SLIT3: variants seen among roughly 807,000 people sequenced by gnomAD.
SLIT3 encodes the protein slit homolog 3 protein.
In SLIT3, 68 loss-of-function variants were observed where a neutral mutation model predicts 184.0. That is an observed-to-expected ratio of 0.37 (90% CI 0.30 to 0.45). The LOEUF (loss-of-function observed/expected upper bound fraction) is 0.45, where lower values mean the gene tolerates loss of function less well. Ranked by LOEUF, SLIT3 falls within the 20% of genes least tolerant of loss-of-function variation. SLIT3 has a pLI of 1.00. For synonymous variants in SLIT3, 831 were observed against 828.6 expected (o/e 1.00, Z -0.05); for missense variants, 1,707 against 2,026.0 (o/e 0.84, Z 3.02).
At chr5:168,992,355 C>T (rs1475337433) in intron 4 of SLIT3, among the ~76,000 whole-genome samples, 1 of 152,240 alleles carries the variant, frequency 6.6e-6, no homozygotes, top group Non-Finnish European at 1.5e-5. Flanking sequence ...CCCTCAACTA[C>T]ATCTGAAGGA....
rs1477377593 is a variant in SLIT3, at chr5:169,198,951, T to TACACAC, written c.342-5402_342-5401insGTGTGT. ...CAACTCAAAAAACAAACAAACAAAC[T>TACACAC]ATACACACACACACACACACACACA... On this transcript the variant is annotated intron_variant, in intron 3 of 35. Coordinates refer to ENST00000519560, the MANE Select transcript of SLIT3 (RefSeq NM_003062.4). 3.5e-3 allele frequency among the ~76,000 whole-genome samples: 245 copies of TACACAC among 69,738 alleles called. 2 individuals carry two copies. Among genetic ancestry groups the TACACAC allele is most frequent in the African/African-American group, 0.014 (236 of 17,278 alleles). 45.8% of individuals were successfully genotyped at this position (69,738 alleles called of 152,430 possible). A position where few individuals can be genotyped will look rare whatever the true frequency, so the allele number is the denominator to read the frequency against.
At chr5:169,088,414 T>G (rs1759407711) in intron 4 of SLIT3, among the ~76,000 whole-genome samples, 1 of 149,740 alleles carries the variant, frequency 6.7e-6, no homozygotes, top group Non-Finnish European at 1.5e-5. Context: ...TTTTTTTTTT[T>G]GCCACAACAA....
At chr5:169,292,712 A>G (rs1394239088) in intron 1 of SLIT3, among the ~76,000 whole-genome samples, 32 of 152,248 alleles carry the variant, frequency 2.1e-4, no homozygotes. Context: ...GTTAATTGCT[A>G]GATGAGGAAA....
rs969034480 is a variant in SLIT3 at position 168,663,481 on chromosome 5, C to G, written c.*2973G>C. ...AGTCCATTTTGGGTGACAGCTCTGT[C>G]TCCTCTTTCAGGCCTTTATGCTGCC... On this transcript the variant is annotated 3_prime_UTR_variant, in exon 36 of 36. Coordinates refer to ENST00000519560, the MANE Select transcript of SLIT3 (RefSeq NM_003062.4). 5 of 152,188 alleles carry G rather than the reference C, an allele frequency of 3.3e-5. No homozygotes were observed. The highest frequency in any genetic ancestry group is 1.2e-4 in the African/African-American group (5 of 41,414). The allele number at this position is 152,188 out of a possible 1,614,324, so 9.4% of individuals were successfully genotyped here. A position where few individuals can be genotyped will look rare whatever the true frequency, so the allele number is the denominator to read the frequency against.
chr5:168,785,774 G>T, intron 12 of SLIT3, 133 bp downstream of exon 12: 1 of 669,640 alleles, frequency 1.5e-6, no homozygotes. Context: ...GGTGAAGCGT[G>T]GACAGCTCAA....
chr5:168,948,034 C>T (rs1270723360), intron 4 of SLIT3, among the ~76,000 whole-genome samples: 2 of 152,080 alleles, frequency 1.3e-5, no homozygotes, highest in East Asian at 1.9e-4. Flanking sequence ...TCAAGTGATC[C>T]GCCCACCTCA....
At position 168,735,316 on chromosome 5, in the gene SLIT3, A is replaced by G. The variant is rs115482318; in HGVS notation, c.2271-10832T>C. On this transcript the variant is annotated intron_variant, in intron 20 of 35. Transcript: ENST00000519560. ...TGATGCCCCACAAAGAACTCAAACC[A>G]GCTGATGTTAATGGAGAGGGAGGGA... 3.5e-3 allele frequency among the ~76,000 whole-genome samples: 540 copies of G among 152,264 alleles called. 5 individuals carry two copies. Among genetic ancestry groups the G allele is most frequent in the African/African-American group, 0.012 (502 of 41,556 alleles).
chr5:168,814,355 C>T (rs899717125), intron 8 of SLIT3, among the ~76,000 whole-genome samples: 1 of 152,146 alleles, frequency 6.6e-6, no homozygotes, highest in African/African-American at 2.4e-5. Context: ...AAAATACTGC[C>T]ATTGCACTCC....
At chr5:169,239,545 T>A (rs1431559009) in intron 3 of SLIT3, among the ~76,000 whole-genome samples, 1 of 152,080 alleles carries the variant, frequency 6.6e-6, no homozygotes, top group Admixed American at 6.6e-5. Context: ...CAATTTCATT[T>A]ACTCTTTAAA....
rs142476562 is a variant in SLIT3 at position 169,062,756 on chromosome 5, TC to T, written c.413+130722del. Among the ~76,000 whole-genome samples, 765 of 152,248 alleles carry T rather than the reference TC, an allele frequency of 5.0e-3. 10 individuals carry two copies. Among genetic ancestry groups the T allele is most frequent in the African/African-American group, 0.018 (734 of 41,548 alleles). On this transcript the variant is annotated intron_variant, in intron 4 of 35. Transcript: ENST00000519560. ...CCTGTTAGGTTTCTTTACCCATGAG[TC>T]CCCCTGGCTCAGAGTTGGGTCCAGT... is the stretch of plus-strand genomic sequence containing the variant.
intron 4 of SLIT3, among the ~76,000 whole-genome samples, chr5:168,971,908 C>T (rs949064263): frequency 2.0e-5 from 3 of 152,150 alleles, no homozygotes; most frequent in African/African-American, 4.8e-5. Flanking sequence ...CCTCGGGGAG[C>T]GAGAGAGTTC....
chr5:169,063,526 C>A (rs1758246413), intron 4 of SLIT3, among the ~76,000 whole-genome samples: 1 of 152,236 alleles, frequency 6.6e-6, no homozygotes, highest in African/African-American at 2.4e-5. Flanking sequence ...CGGGGGCACA[C>A]CCCTCTGGTC....
At chr5:168,824,301 C>G (rs1283034096) in intron 6 of SLIT3, among the ~76,000 whole-genome samples, 2 of 152,200 alleles carry the variant, frequency 1.3e-5, no homozygotes, top group Non-Finnish European at 1.5e-5. Context: ...CGGTGCATCT[C>G]TACGACCATG....
intron 4 of SLIT3, among the ~76,000 whole-genome samples, chr5:169,063,334 G>C (rs1758240089): frequency 6.6e-6 from 1 of 152,196 alleles, no homozygotes; most frequent in Non-Finnish European, 1.5e-5. Context: ...GCGCTGGAAG[G>C]AGGGGCTGGA....
intron 4 of SLIT3, among the ~76,000 whole-genome samples, chr5:168,938,907 G>A (rs890702225): frequency 2.6e-5 from 4 of 152,118 alleles, no homozygotes; most frequent in Admixed American, 6.5e-5. Context: ...AGGATTACAG[G>A]TGTGAGCCAC....
At chr5:168,755,393 C>CTTTCTTTCTTTCTTTCT (rs1754865990) in intron 16 of SLIT3, among the ~76,000 whole-genome samples, 1 of 9,536 alleles carries the variant, frequency 1.0e-4, no homozygotes, top group Non-Finnish European at 1.9e-4. Context: ...GCCGCCATTT[C>CTTTCTTTCTTTCTTTCT]TTTCTTTCTT....
At chr5:169,229,659 TCTCTC>T (rs1764929748) in intron 3 of SLIT3, among the ~76,000 whole-genome samples, 1 of 151,032 alleles carries the variant, frequency 6.6e-6, no homozygotes, top group East Asian at 1.9e-4. Context: ...TCTCTCTCTC[TCTCTC>T]TCTCTCCTTA....
chr5:168,673,862 T>G (rs2113184068), intron 32 of SLIT3, among the ~76,000 whole-genome samples: 2 of 151,664 alleles, frequency 1.3e-5, no homozygotes, highest in South Asian at 4.2e-4. Context: ...TTTTCTATTA[T>G]TTCATAGAGT....
rs1054596518 is a variant in SLIT3, at chr5:168,763,584, G to A, written c.1460-895C>T. 2.6e-5 allele frequency among the ~76,000 whole-genome samples: 4 copies of A among 152,106 alleles called. No homozygotes were observed. In the South Asian group the frequency reaches 6.2e-4, roughly 24 times the overall value. On this transcript the variant is annotated intron_variant, in intron 14 of 35. Coordinates refer to ENST00000519560, the MANE Select transcript of SLIT3 (RefSeq NM_003062.4). ...TTTGAAAAGCAAATCTCCCGAAGTT[G>A]CACAGTAATGGTAATGGGACCAACA...
Sources: allele counts gnomAD v4.1 joint callset (sites outside exome capture counted in the v4.1 genomes callset), GRCh38; gene constraint gnomAD v4.1.1; transcripts MANE v1.5; gene names NCBI Gene and HGNC (gene_info 2026-07-23, HGNC 2026-07-21).